The following PGM2 variants were observed in gnomAD, a reference collection of about 807,000 sequenced individuals.
The protein encoded by PGM2 is phosphoglucomutase 2.
In PGM2, 57 loss-of-function variants were observed where a neutral mutation model predicts 74.6. The observed-to-expected ratio is 0.76, with a 90% CI of 0.62 to 0.95. The LOEUF (loss-of-function observed/expected upper bound fraction) is 0.95, where lower values mean the gene tolerates loss of function less well. Ranked by LOEUF, PGM2 falls within the 40% of genes least tolerant of loss-of-function variation. The pLI is 0.00. For missense variants in PGM2, 706 were observed against 741.9 expected (o/e 0.95, Z 0.56); for synonymous variants, 273 against 260.7 (o/e 1.05, Z -0.46).
At chr4:37,847,323 A>C in intron 10 of PGM2, 28 bp downstream of exon 10, 1 of 1,499,828 alleles carries the variant, frequency 6.7e-7, no homozygotes, top group South Asian at 1.1e-5. Flanking sequence ...ACATTAAGGA[A>C]TTGGCTGCAA....
At chr4:37,853,405 TC>T (rs1726107843) in intron 12 of PGM2, among the ~76,000 whole-genome samples, 1 of 149,916 alleles carries the variant, frequency 6.7e-6, no homozygotes, top group Non-Finnish European at 1.5e-5. Flanking sequence ...ATCTTACCTC[TC>T]TAAGGATTAT....
chr4:37,852,606 GT>G (rs1180130683), intron 12 of PGM2, among the ~76,000 whole-genome samples: 1 of 152,214 alleles, frequency 6.6e-6, no homozygotes, highest in Non-Finnish European at 1.5e-5. Context: ...CTGACTCACA[GT>G]TTTGAAAGCA....
At chr4:37,836,543 C>CAG (rs1336836919) in intron 3 of PGM2, among the ~76,000 whole-genome samples, 1 of 151,960 alleles carries the variant, frequency 6.6e-6, no homozygotes, top group Non-Finnish European at 1.5e-5. Context: ...ACATTTGTAA[C>CAG]AGAGAGAGAG....
intron 6 of PGM2, among the ~76,000 whole-genome samples, chr4:37,843,610 A>G (rs759515122): frequency 7.3e-6 from 1 of 137,088 alleles, no homozygotes; most frequent in African/African-American, 2.8e-5. Flanking sequence ...TATTATTATT[A>G]TTTTTTTTTT....
chr4:37,860,579 T>C (rs904996244), intron 13 of PGM2, among the ~76,000 whole-genome samples: 2 of 152,256 alleles, frequency 1.3e-5, no homozygotes, highest in Admixed American at 6.5e-5. Flanking sequence ...CAGTACTGTT[T>C]AGCTATTACA....
At chr4:37,841,956 A>G (rs1031020419) in intron 6 of PGM2, among the ~76,000 whole-genome samples, 2 of 152,210 alleles carry the variant, frequency 1.3e-5, no homozygotes, top group African/African-American at 4.8e-5. Flanking sequence ...CTCCAAAAAT[A>G]TACCAGTTGG....
chr4:37,833,838 G>T (rs1725497641), intron 2 of PGM2, among the ~76,000 whole-genome samples: 1 of 152,086 alleles, frequency 6.6e-6, no homozygotes, highest in Non-Finnish European at 1.5e-5. Flanking sequence ...GGAAACTAAG[G>T]CACCAAGAAA....
intron 13 of PGM2, among the ~76,000 whole-genome samples, chr4:37,856,543 G>C (rs1163658635): frequency 6.6e-6 from 1 of 151,726 alleles, no homozygotes; most frequent in Non-Finnish European, 1.5e-5. Context: ...TGGGCTGGTA[G>C]CTTCAGGTTC....
chr4:37,835,554 CT>C (rs1158801727), intron 3 of PGM2, among the ~76,000 whole-genome samples: 1 of 152,170 alleles, frequency 6.6e-6, no homozygotes, highest in Non-Finnish European at 1.5e-5. Context: ...AACACTTCCT[CT>C]GTTATGATGA....
At chr4:37,851,235 C>T (rs1726031615) in intron 12 of PGM2, among the ~76,000 whole-genome samples, 1 of 152,170 alleles carries the variant, frequency 6.6e-6, no homozygotes, top group Non-Finnish European at 1.5e-5. Context: ...GAGCCCACAC[C>T]TGGACTTTCC....
chr4:37,850,129 C>A, intron 11 of PGM2, 55 bp from the exon 12 acceptor site: 1 of 1,009,094 alleles, frequency 9.9e-7, no homozygotes, highest in Non-Finnish European at 1.5e-6. Context: ...TGTTCTGTGT[C>A]CACCCTACAA....
intron 2 of PGM2, among the ~76,000 whole-genome samples, chr4:37,831,015 G>A (rs1725427848): frequency 6.6e-6 from 1 of 151,922 alleles, no homozygotes; most frequent in African/African-American, 2.4e-5. Flanking sequence ...GCAACATGGT[G>A]AAACCCTGTC....
At chr4:37,841,226 A>ATGGACACCT (rs1725721865) in intron 6 of PGM2, among the ~76,000 whole-genome samples, 3 of 136,524 alleles carry the variant, frequency 2.2e-5, no homozygotes, top group Non-Finnish European at 4.7e-5. Flanking sequence ...TTAATTTGTC[A>ATGGACACCT]TGGACACCTT....
At chr4:37,832,076 G>A (rs1330593694) in intron 2 of PGM2, among the ~76,000 whole-genome samples, 2 of 152,100 alleles carry the variant, frequency 1.3e-5, no homozygotes, top group Non-Finnish European at 2.9e-5. Flanking sequence ...CTCCTCTGGG[G>A]GTAAACCCTG....
At chr4:37,855,520 G>A in intron 12 of PGM2, 88 bp from the exon 13 acceptor site, 1 of 1,156,050 alleles carries the variant, frequency 8.7e-7, no homozygotes, top group Admixed American at 2.7e-5. Context: ...GATTTGTTTG[G>A]CATTTATTTT....
intron 13 of PGM2, among the ~76,000 whole-genome samples, chr4:37,858,886 A>G (rs527734423): frequency 6.6e-6 from 1 of 152,288 alleles, no homozygotes; most frequent in Admixed American, 6.5e-5. Flanking sequence ...AAATGTTGGA[A>G]TAAGAATGCA....
chr4:37,829,460 A>G (rs1244089981), intron 1 of PGM2, among the ~76,000 whole-genome samples: 1 of 152,224 alleles, frequency 6.6e-6, no homozygotes, highest in Non-Finnish European at 1.5e-5. Flanking sequence ...AAGTTGTGTA[A>G]TCTATCACTC....
chr4:37,837,014 A>G (rs1007809078), intron 3 of PGM2, among the ~76,000 whole-genome samples: 1 of 152,208 alleles, frequency 6.6e-6, no homozygotes, highest in Non-Finnish European at 1.5e-5. Context: ...CACTGTTGAC[A>G]TGTGACTGCA....
chr4:37,835,702 A>G (rs1025114950), intron 3 of PGM2, among the ~76,000 whole-genome samples: 2 of 152,210 alleles, frequency 1.3e-5, no homozygotes, highest in African/African-American at 4.8e-5. Flanking sequence ...GGAGCTTCCA[A>G]TCTAAGACAG....
Sources: allele counts gnomAD v4.1 joint callset (sites outside exome capture counted in the v4.1 genomes callset), GRCh38; gene constraint gnomAD v4.1.1; transcripts MANE v1.5; gene names NCBI Gene and HGNC (gene_info 2026-07-23, HGNC 2026-07-21).